CTIF: variants seen among roughly 807,000 people sequenced by gnomAD.
The protein encoded by CTIF is CBP80/20-dependent translation initiation factor.
In CTIF, 21 loss-of-function variants were observed where a neutral mutation model predicts 66.0. The observed-to-expected ratio is 0.32, with a 90% CI of 0.23 to 0.46. The LOEUF is 0.46. Ranked by LOEUF, CTIF falls within the 20% of genes least tolerant of loss-of-function variation. The pLI is 1.00. For synonymous variants in CTIF, 345 were observed against 326.4 expected (o/e 1.06, Z -0.62); for missense variants, 739 against 812.7 (o/e 0.91, Z 1.10).
chr18:48,684,633 C>T (rs1277687671), intron 6 of CTIF, among the ~76,000 whole-genome samples: 5 of 152,148 alleles, frequency 3.3e-5, no homozygotes, highest in African/African-American at 9.7e-5. Flanking sequence ...ACTTCATTAA[C>T]GAATCCTGCT....
intron 10 of CTIF, among the ~76,000 whole-genome samples, chr18:48,841,512 G>A (rs377691467): frequency 5.8e-4 from 88 of 152,328 alleles, no homozygotes; most frequent in African/African-American, 2.0e-3. Flanking sequence ...GGACTGTTTC[G>A]CAAGCCAGGC....
At chr18:48,683,434 C>T (rs367811360) in intron 6 of CTIF, among the ~76,000 whole-genome samples, 1 of 150,440 alleles carries the variant, frequency 6.6e-6, no homozygotes, top group South Asian at 2.1e-4. Context: ...GACAGGCCAT[C>T]ATTTCCTGCC....
rs543916309 is a variant in CTIF, at chr18:48,632,351, C to A, written c.181-4263C>A. ...CACACGCAGGGCCACAGTCCCTCCT[C>A]CTGCTGGGGGTTGTGCCCGCCTCCG... On this transcript the variant is annotated intron_variant, in intron 2 of 11. Coordinates refer to ENST00000256413, the MANE Select transcript of CTIF (RefSeq NM_014772.3). Among the ~76,000 whole-genome samples the A allele has an allele frequency of 1.4e-3, 219 of 152,332 alleles. 1 individual carries two copies. Among genetic ancestry groups the A allele is most frequent in the African/African-American group, 5.2e-3 (217 of 41,588 alleles).
intron 1 of CTIF, among the ~76,000 whole-genome samples, chr18:48,591,966 G>A (rs909359554): frequency 6.6e-6 from 1 of 152,140 alleles, no homozygotes; most frequent in Non-Finnish European, 1.5e-5. Flanking sequence ...TGCCCCAGCT[G>A]GTCTCAAGTT....
intron 1 of CTIF, among the ~76,000 whole-genome samples, chr18:48,560,744 T>A (rs2089139476): frequency 6.6e-6 from 1 of 151,936 alleles, no homozygotes; most frequent in Non-Finnish European, 1.5e-5. Flanking sequence ...CAAAATTTGT[T>A]GTATTTTTTG....
At position 48,643,319 on chromosome 18, in the gene CTIF, T is replaced by G. The variant is rs568891097; in HGVS notation, c.252+6634T>G. On this transcript the variant is annotated intron_variant, in intron 3 of 11. Coordinates refer to ENST00000256413, the MANE Select transcript of CTIF (RefSeq NM_014772.3). The stretch of plus-strand genomic sequence containing the variant: ...AAGATACAGGGAAAATTATCTATTT[T>G]TATGGTTAAGTTCAACAAAGTATGG... Among the ~76,000 whole-genome samples, 5 of 152,290 alleles carry G rather than the reference T, an allele frequency of 3.3e-5. No homozygotes were observed. In the East Asian group the frequency reaches 9.6e-4, roughly 29 times the overall value.
At chr18:48,592,664 C>G (rs2089911696) in intron 1 of CTIF, among the ~76,000 whole-genome samples, 1 of 152,212 alleles carries the variant, frequency 6.6e-6, no homozygotes, top group South Asian at 2.1e-4. Context: ...CCTGCCTCGG[C>G]CACTGTCATT....
intron 10 of CTIF, among the ~76,000 whole-genome samples, chr18:48,834,955 T>C (rs2068777329): frequency 6.6e-6 from 1 of 152,188 alleles, no homozygotes; most frequent in Non-Finnish European, 1.5e-5. Flanking sequence ...CAACCTGCGC[T>C]TTAGAGGAAC....
chr18:48,680,344 G>C (rs1267110485), intron 6 of CTIF, among the ~76,000 whole-genome samples: 1 of 152,268 alleles, frequency 6.6e-6, no homozygotes, highest in East Asian at 1.9e-4. Context: ...GCATGGGACA[G>C]GGAGCTGGGA....
chr18:48,656,870 A>G lies in CTIF; in HGVS notation c.253-6882A>G, dbSNP rs186423952. 1.4e-3 allele frequency among the ~76,000 whole-genome samples: 208 copies of G among 152,304 alleles called. 1 individual carries two copies. The highest frequency in any genetic ancestry group is 4.8e-3 in the African/African-American group (200 of 41,564). On this transcript the variant is annotated intron_variant, in intron 3 of 11. Coordinates refer to ENST00000256413, the MANE Select transcript of CTIF (RefSeq NM_014772.3). ...CTGTGCTCAGAGGGAAGCTGTGGTT[A>G]CCAGGGCCAACCATGGAATTGCCAA...
intron 10 of CTIF, among the ~76,000 whole-genome samples, chr18:48,854,647 A>G (rs907243978): frequency 2.6e-5 from 4 of 152,164 alleles, no homozygotes; most frequent in Non-Finnish European, 4.4e-5. Context: ...CAGGCCAAGC[A>G]TGGTGGCTCA....
rs527427177 is a variant in CTIF at position 48,611,423 on chromosome 18, G to A, written c.-28-8115G>A. 5.3e-5 allele frequency among the ~76,000 whole-genome samples: 8 copies of A among 152,368 alleles called. No homozygotes were observed. The South Asian group carries it at 6.2e-4, about 12-fold the overall frequency. ...CCCTGCGTGGGCCATAAGAGGAGCC[G>A]CCCCTTCACCAGATAGCTGACCAGC... On this transcript the variant is annotated intron_variant, in intron 1 of 11. Coordinates refer to ENST00000256413, the MANE Select transcript of CTIF (RefSeq NM_014772.3).
intron 1 of CTIF, among the ~76,000 whole-genome samples, chr18:48,618,845 G>A (rs769975268): frequency 2.0e-5 from 3 of 152,238 alleles, no homozygotes; most frequent in Admixed American, 2.0e-4. Flanking sequence ...AAGGTGACCA[G>A]GCAGTGTCTG....
chr18:48,574,488 G>T (rs559710879), intron 1 of CTIF, among the ~76,000 whole-genome samples: 5 of 152,194 alleles, frequency 3.3e-5, no homozygotes, highest in Non-Finnish European at 7.3e-5. Context: ...GGAGTTTTAG[G>T]GGGTAGAGAG....
chr18:48,638,852 G>A (rs1598783623), intron 3 of CTIF, among the ~76,000 whole-genome samples: 1 of 152,240 alleles, frequency 6.6e-6, no homozygotes, highest in African/African-American at 2.4e-5. Flanking sequence ...CCCAAGGAGG[G>A]TGGAGGACAG....
chr18:48,588,316 G>T (rs2089815623), intron 1 of CTIF, among the ~76,000 whole-genome samples: 1 of 152,186 alleles, frequency 6.6e-6, no homozygotes, highest in Non-Finnish European at 1.5e-5. Context: ...CAAAGGTGGG[G>T]TTTCATCCCA....
chr18:48,546,430 T>C (rs1229006436), intron 1 of CTIF, among the ~76,000 whole-genome samples: 1 of 152,192 alleles, frequency 6.6e-6, no homozygotes, highest in African/African-American at 2.4e-5. Flanking sequence ...ATCCCAAGAC[T>C]GATTTAGAAT....
chr18:48,607,111 A>C (rs2083435766), intron 1 of CTIF, among the ~76,000 whole-genome samples: 1 of 152,236 alleles, frequency 6.6e-6, no homozygotes, highest in South Asian at 2.1e-4. Context: ...GTCAAAGGGC[A>C]GCTGCCTTTG....
chr18:48,753,796 AC>A (rs1024191119), intron 7 of CTIF, among the ~76,000 whole-genome samples: 5 of 152,170 alleles, frequency 3.3e-5, no homozygotes, highest in African/African-American at 1.2e-4. Flanking sequence ...CCAACCCAGG[AC>A]CCACATGTCC....
Sources: gnomAD v4.1 joint callset for allele counts (sites outside exome capture counted in the v4.1 genomes callset) on GRCh38, gnomAD v4.1.1 for gene constraint, MANE v1.5 for transcripts, NCBI Gene and HGNC (gene_info 2026-07-23, HGNC 2026-07-21) for gene names.